The following ELF5 variants were observed in gnomAD, a reference collection of about 807,000 sequenced individuals.
ELF5 encodes the protein E74 like ETS transcription factor 5.
A neutral mutation model predicts 38.2 loss-of-function variants in ELF5; 31 were observed. The observed-to-expected ratio is 0.81, with a 90% CI of 0.61 to 1.10. The LOEUF (loss-of-function observed/expected upper bound fraction) is 1.10, where lower values mean the gene tolerates loss of function less well. Among genes scored for constraint, ELF5 ranks in the 50% least tolerant of loss-of-function variants. ELF5 has a pLI of 0.00. For synonymous variants in ELF5, 121 were observed against 112.5 expected, an observed-to-expected ratio of 1.08 and a Z score of -0.48; for missense variants, 300 against 306.6, an observed-to-expected ratio of 0.98 and a Z score of 0.16.
chr11:34,497,663 G>A (rs1437881969), intron 2 of ELF5, among the ~76,000 whole-genome samples: 2 of 152,218 alleles, frequency 1.3e-5, no homozygotes, highest in Non-Finnish European at 2.9e-5. Context: ...ATGCCAAAGT[G>A]CACAATGGCT....
intron 4 of ELF5, among the ~76,000 whole-genome samples, chr11:34,485,123 A>G (rs748112450): frequency 6.6e-6 from 1 of 152,202 alleles, no homozygotes; most frequent in Non-Finnish European, 1.5e-5. Flanking sequence ...TTTCAAACTT[A>G]TAACAACCCT....
intron 2 of ELF5, among the ~76,000 whole-genome samples, chr11:34,501,690 C>T (rs1850474296): frequency 1.3e-5 from 2 of 152,028 alleles, no homozygotes; most frequent in African/African-American, 4.8e-5. Context: ...GAGTATTTTG[C>T]AATCTGGACT....
At chr11:34,481,010 T>G in intron 5 of ELF5, 43 bp from the exon 6 acceptor site, 2 of 1,356,034 alleles carry the variant, frequency 1.5e-6, no homozygotes, top group South Asian at 3.4e-5. Context: ...CATTGTTTTT[T>G]AAATTAATTA....
chr11:34,496,466 C>A (rs1850324449), intron 2 of ELF5, among the ~76,000 whole-genome samples: 1 of 152,224 alleles, frequency 6.6e-6, no homozygotes, highest in Admixed American at 6.5e-5. Context: ...CGCTGTCAGC[C>A]CCTCCTCACC....
chr11:34,505,034 T>A (rs963749535), intron 2 of ELF5, among the ~76,000 whole-genome samples: 1 of 152,202 alleles, frequency 6.6e-6, no homozygotes, highest in Non-Finnish European at 1.5e-5. Flanking sequence ...TAATGATATA[T>A]TAATATCAAT....
chr11:34,490,415 G>A (rs985302092), intron 3 of ELF5, among the ~76,000 whole-genome samples: 1 of 152,180 alleles, frequency 6.6e-6, no homozygotes, highest in East Asian at 1.9e-4. Flanking sequence ...TGCTCACTCA[G>A]TCTCTGGGCT....
chr11:34,511,723 G>A, intron 1 of ELF5: 3 of 913,208 alleles, frequency 3.3e-6, no homozygotes, highest in East Asian at 2.7e-5. Flanking sequence ...AATAACAGGT[G>A]TGGCTCCCAT....
chr11:34,481,325 G>T (rs1236640681), intron 5 of ELF5, among the ~76,000 whole-genome samples: 2 of 151,992 alleles, frequency 1.3e-5, no homozygotes, highest in African/African-American at 4.8e-5. Flanking sequence ...TGCCCAGCTT[G>T]TTTTTTTAAT....
At chr11:34,488,761 A>G (rs576039591) in intron 4 of ELF5, among the ~76,000 whole-genome samples, 107 of 152,290 alleles carry the variant, frequency 7.0e-4, no homozygotes, top group African/African-American at 2.2e-3. Context: ...ACCCCTGGAG[A>G]AAGGGTTGGT....
intron 2 of ELF5, among the ~76,000 whole-genome samples, chr11:34,499,651 T>C (rs535389368): frequency 1.3e-5 from 2 of 152,372 alleles, no homozygotes; most frequent in East Asian, 1.9e-4. Context: ...GGAGCAGAAC[T>C]TGATCTTTTT....
intron 1 of ELF5, among the ~76,000 whole-genome samples, chr11:34,506,141 C>T (rs1446760182): frequency 1.3e-5 from 2 of 152,162 alleles, no homozygotes; most frequent in Admixed American, 6.5e-5. Context: ...CTAGAAACAG[C>T]GTGAGATGCA....
At chr11:34,500,331 T>A (rs1372992049) in intron 2 of ELF5, among the ~76,000 whole-genome samples, 1 of 152,210 alleles carries the variant, frequency 6.6e-6, no homozygotes. Context: ...TGCAGCTTTG[T>A]CACTGAAAGG....
chr11:34,508,818 C>G (rs944181567), intron 1 of ELF5, among the ~76,000 whole-genome samples: 2 of 152,190 alleles, frequency 1.3e-5, no homozygotes, highest in African/African-American at 4.8e-5. Flanking sequence ...GGTCACATAG[C>G]CAGTGGATGC....
At chr11:34,508,780 A>G (rs1450908478) in intron 1 of ELF5, among the ~76,000 whole-genome samples, 1 of 152,118 alleles carries the variant, frequency 6.6e-6, no homozygotes, top group Admixed American at 6.5e-5. Flanking sequence ...GGAAGTTGAG[A>G]CTCAGGGAAT....
rs367861770 is a variant in ELF5, at chr11:34,493,518, C to T, written c.316G>A (p.Glu106Lys). ...EFVEAAGLCG[E>K]YLYFILQNIR... Reference sequence around the variant, plus strand: ...TTCTGGAGGATGAAGTACAGGTACTCGCCGCAGAGGCCAGCTGCCTCGACG... The same window carrying T: ...TTCTGGAGGATGAAGTACAGGTACTTGCCGCAGAGGCCAGCTGCCTCGACG... Residue 106 changes from glutamate to lysine, a missense_variant, in exon 3 of 7, where the codon GAG (glutamate) becomes AAG (lysine). Coordinates refer to ENST00000257832, the MANE Select transcript of ELF5 (RefSeq NM_001422.4). The T allele has an allele frequency of 1.9e-5, 30 of 1,613,948 alleles. No individual in the cohort carries two copies. Among genetic ancestry groups the T allele is most frequent in the Middle Eastern group, 1.6e-4 (1 of 6,084 alleles).
intron 3 of ELF5, chr11:34,493,263 T>A (rs1346464932): frequency 3.3e-6 from 2 of 607,014 alleles, no homozygotes; most frequent in Non-Finnish European, 5.8e-6. Context: ...TCTCTTTTTT[T>A]AAATGCACTC....
At chr11:34,512,034 G>T (rs2133909016) in intron 1 of ELF5, among the ~76,000 whole-genome samples, 1 of 152,264 alleles carries the variant, frequency 6.6e-6, no homozygotes, top group Admixed American at 6.5e-5. Context: ...AAGAAAATCG[G>T]TTTTCCTTCC....
At chr11:34,492,341 A>G (rs1231021095) in intron 3 of ELF5, 1 of 152,276 alleles carries the variant, frequency 6.6e-6, no homozygotes, top group Non-Finnish European at 1.5e-5. Flanking sequence ...CCAAAGAATC[A>G]CAGAGCAGGA....
At chr11:34,499,309 A>T (rs1471076293) in intron 2 of ELF5, among the ~76,000 whole-genome samples, 1 of 152,040 alleles carries the variant, frequency 6.6e-6, no homozygotes, top group Non-Finnish European at 1.5e-5. Context: ...TTGCTCGAAC[A>T]TGGCTCACCG....
Sources: allele counts gnomAD v4.1 joint callset (sites outside exome capture counted in the v4.1 genomes callset), GRCh38; gene constraint gnomAD v4.1.1; transcripts MANE v1.5; gene names NCBI Gene and HGNC (gene_info 2026-07-23, HGNC 2026-07-21).